The following DAB1 variants were observed in gnomAD, a reference collection of about 807,000 sequenced individuals.
DAB1 encodes the protein disabled homolog 1.
In DAB1, 15 loss-of-function variants were observed where a neutral mutation model predicts 64.6. The observed-to-expected ratio is 0.23, with a 90% CI of 0.16 to 0.36. DAB1 has a LOEUF of 0.36. Among genes scored for constraint, DAB1 ranks in the 10% least tolerant of loss-of-function variants. The probability of loss-of-function intolerance (pLI) is 1.00; values close to 1 mark genes in which losing one functional copy is unlikely to be tolerated. For synonymous variants in DAB1, 235 were observed against 251.9 expected, an observed-to-expected ratio of 0.93 and a Z score of 0.64; for missense variants, 596 against 706.7, an observed-to-expected ratio of 0.84 and a Z score of 1.78.
chr1:57,236,414 G>A (rs1031714079), intron 2 of DAB1, among the ~76,000 whole-genome samples: 5 of 152,138 alleles, frequency 3.3e-5, no homozygotes, highest in African/African-American at 1.2e-4. Flanking sequence ...GCACAGAAAA[G>A]AAGGGGCCAA....
At chr1:58,197,325 C>A (rs1375410900) in intron 4 of DAB1, among the ~76,000 whole-genome samples, 1 of 152,018 alleles carries the variant, frequency 6.6e-6, no homozygotes, top group East Asian at 1.9e-4. Context: ...ATAGACAAGA[C>A]CTGGTCATAG....
At chr1:58,267,781 C>G (rs1209228128) in intron 4 of DAB1, among the ~76,000 whole-genome samples, 1 of 152,240 alleles carries the variant, frequency 6.6e-6, no homozygotes, top group East Asian at 1.9e-4. Flanking sequence ...ATTCCTAAAA[C>G]CCTCTTCGAA....
At chr1:57,744,875 A>T (rs1051177851) in intron 6 of DAB1, among the ~76,000 whole-genome samples, 1 of 152,198 alleles carries the variant, frequency 6.6e-6, no homozygotes, top group African/African-American at 2.4e-5. Context: ...AAAGACTATT[A>T]GTTCCACCTG....
intron 1 of DAB1, among the ~76,000 whole-genome samples, chr1:57,314,657 C>T (rs538133215): frequency 2.8e-4 from 42 of 152,092 alleles, no homozygotes; most frequent in African/African-American, 1.0e-3. Flanking sequence ...GTGGGGCACA[C>T]CTGTGGTCCC....
intron 5 of DAB1, among the ~76,000 whole-genome samples, chr1:58,069,058 C>T (rs1649058104): frequency 1.3e-5 from 2 of 152,140 alleles, no homozygotes; most frequent in South Asian, 2.1e-4. Context: ...CTGGTAGGCT[C>T]GGACATGCTA....
intron 1 of DAB1, among the ~76,000 whole-genome samples, chr1:57,413,668 C>T (rs999941385): frequency 1.5e-4 from 21 of 142,964 alleles, no homozygotes; most frequent in African/African-American, 5.1e-4. Flanking sequence ...GGCTTGAACT[C>T]GGGAGGTAGA....
chr1:57,866,612 T>A (rs1417853200), intron 1 of DAB1, among the ~76,000 whole-genome samples: 2 of 152,156 alleles, frequency 1.3e-5, no homozygotes, highest in Non-Finnish European at 2.9e-5. Context: ...TTATTTTTCT[T>A]CTTGACACCT....
intron 4 of DAB1, among the ~76,000 whole-genome samples, chr1:57,122,608 C>A (rs550733189): frequency 6.6e-6 from 1 of 152,236 alleles, no homozygotes; most frequent in East Asian, 1.9e-4. Context: ...GAAAACCAAA[C>A]TGATGAGTGC....
At chr1:58,163,216 G>T (rs115310260) in intron 4 of DAB1, among the ~76,000 whole-genome samples, 3 of 152,154 alleles carry the variant, frequency 2.0e-5, no homozygotes, top group Non-Finnish European at 2.9e-5. Context: ...ATTTCATCAC[G>T]AAGTTAAGAA....
At chr1:58,292,273 C>G (rs1232227119) in intron 4 of DAB1, among the ~76,000 whole-genome samples, 3 of 152,042 alleles carry the variant, frequency 2.0e-5, no homozygotes, top group Non-Finnish European at 4.4e-5. Flanking sequence ...CATCATTGAC[C>G]ATTGTACCAC....
At chr1:58,339,540 T>C (rs1168840475) in intron 4 of DAB1, among the ~76,000 whole-genome samples, 1 of 152,132 alleles carries the variant, frequency 6.6e-6, no homozygotes, top group East Asian at 1.9e-4. Context: ...AGAGAAATTA[T>C]CTAGACAAAG....
At chr1:57,949,396 C>T (rs1645233016) in intron 5 of DAB1, among the ~76,000 whole-genome samples, 1 of 152,130 alleles carries the variant, frequency 6.6e-6, no homozygotes, top group Non-Finnish European at 1.5e-5. Flanking sequence ...CAGTTTATAA[C>T]AGGCCATAGA....
At chr1:57,390,031 A>G (rs144805859) in intron 1 of DAB1, among the ~76,000 whole-genome samples, 38 of 152,308 alleles carry the variant, frequency 2.5e-4, no homozygotes, top group African/African-American at 8.7e-4. Context: ...CCCCAAACCA[A>G]TGTTGTTAAT....
intron 1 of DAB1, among the ~76,000 whole-genome samples, chr1:57,328,779 T>G (rs1676397902): frequency 6.6e-6 from 1 of 152,226 alleles, no homozygotes; most frequent in African/African-American, 2.4e-5. Flanking sequence ...GACTTAAAAT[T>G]ACTGGCAAAA....
At chr1:57,230,959 A>G (rs1290512391) in intron 2 of DAB1, among the ~76,000 whole-genome samples, 1 of 152,140 alleles carries the variant, frequency 6.6e-6, no homozygotes. Context: ...ATAATGAACA[A>G]AAGTGAGTAG....
At chr1:58,268,763 A>G (rs1292551055) in intron 4 of DAB1, among the ~76,000 whole-genome samples, 1 of 152,156 alleles carries the variant, frequency 6.6e-6, no homozygotes, top group Non-Finnish European at 1.5e-5. Flanking sequence ...AGAAAAATCC[A>G]TCCTAAAATT....
At position 58,521,637 on chromosome 1, in the gene DAB1, A is replaced by T. The variant is rs553909890; in HGVS notation, n.107+5624T>A. ...TCAGACATTAAAATATAATAAGAGT[A>T]TATTAAAACAACTTCATGCCAATGA... On this transcript the variant is annotated intron_variant and non_coding_transcript_variant, in intron 2 of 20. Transcript: ENST00000485760. Among the ~76,000 whole-genome samples, 30 of 152,234 alleles carry T rather than the reference A, an allele frequency of 2.0e-4. No individual in the cohort carries two copies. In the South Asian group the frequency reaches 6.2e-3, roughly 32 times the overall value.
intron 7 of DAB1, among the ~76,000 whole-genome samples, chr1:57,487,444 T>C (rs539616688): frequency 3.3e-4 from 51 of 152,344 alleles, no homozygotes; most frequent in South Asian, 2.3e-3. Flanking sequence ...GTGGCCCTGC[T>C]CTTGCTCTGC....
At chr1:57,498,370 A>G (rs1644253249) in intron 7 of DAB1, among the ~76,000 whole-genome samples, 1 of 152,196 alleles carries the variant, frequency 6.6e-6, no homozygotes, top group Non-Finnish European at 1.5e-5. Flanking sequence ...GTGGAACCTT[A>G]GGAAACCCTG....
Sources: gnomAD v4.1 joint callset for allele counts (sites outside exome capture counted in the v4.1 genomes callset) on GRCh38, gnomAD v4.1.1 for gene constraint, MANE v1.5 for transcripts, NCBI Gene and HGNC (gene_info 2026-07-23, HGNC 2026-07-21) for gene names.